ATP2B2: variants seen among roughly 807,000 people sequenced by gnomAD.
The protein encoded by ATP2B2 is ATPase plasma membrane Ca2+ transporting 2, also known as plasma membrane calcium-transporting ATPase 2.
ATP2B2 carries 15 observed loss-of-function variants against 120.0 expected under a neutral mutation model. That is an observed-to-expected ratio of 0.12 (90% confidence interval 0.08 to 0.19). The LOEUF is 0.19. Ranked by LOEUF, ATP2B2 falls within the 10% of genes least tolerant of loss-of-function variation. ATP2B2 has a pLI of 1.00. For missense variants in ATP2B2, 1,045 were observed against 1,719.8 expected, an observed-to-expected ratio of 0.61 and a Z score of 6.94; for synonymous variants, 694 against 700.3, an observed-to-expected ratio of 0.99 and a Z score of 0.14.
At chr3:10,399,542 T>C (rs906916175) in intron 5 of ATP2B2, among the ~76,000 whole-genome samples, 2 of 152,262 alleles carry the variant, frequency 1.3e-5, no homozygotes, top group African/African-American at 4.8e-5. Context: ...CTTATTACTT[T>C]ATTGGTTCTC....
At chr3:10,559,564 G>A (rs116087242) in intron 2 of ATP2B2, among the ~76,000 whole-genome samples, 38 of 152,236 alleles carry the variant, frequency 2.5e-4, no homozygotes, top group African/African-American at 8.9e-4. Context: ...AGACAGGGAA[G>A]TCTTTAGGCC....
At chr3:10,485,242 G>A (rs868423895) in intron 1 of ATP2B2, among the ~76,000 whole-genome samples, 3 of 152,240 alleles carry the variant, frequency 2.0e-5, no homozygotes, top group Non-Finnish European at 4.4e-5. Flanking sequence ...TCCTTCTGTG[G>A]TTTTCTCATT....
intron 2 of ATP2B2, among the ~76,000 whole-genome samples, chr3:10,589,187 C>T (rs2125574408): frequency 6.6e-6 from 1 of 152,230 alleles, no homozygotes; most frequent in South Asian, 2.1e-4. Context: ...TGAACTCCAG[C>T]CACTCCCATT....
At chr3:10,493,257 G>C (rs7647808) in intron 1 of ATP2B2, among the ~76,000 whole-genome samples, 1 of 152,118 alleles carries the variant, frequency 6.6e-6, no homozygotes, top group Non-Finnish European at 1.5e-5. Context: ...GTGAGGGGGT[G>C]GGGGAGCTCT....
chr3:10,527,067 C>T (rs113887740), intron 3 of ATP2B2, among the ~76,000 whole-genome samples: 1 of 152,286 alleles, frequency 6.6e-6, no homozygotes, highest in Non-Finnish European at 1.5e-5. Flanking sequence ...TTTGCAAACA[C>T]AGGATTCAAA....
At chr3:10,655,456 A>C (rs529092321) in intron 1 of ATP2B2, among the ~76,000 whole-genome samples, 1 of 99,062 alleles carries the variant, frequency 1.0e-5, no homozygotes, top group African/African-American at 9.0e-5. Flanking sequence ...TGGGTGCTTC[A>C]GAAGAACCTA....
intron 1 of ATP2B2, among the ~76,000 whole-genome samples, chr3:10,490,878 T>C (rs900132522): frequency 1.3e-5 from 2 of 152,226 alleles, no homozygotes; most frequent in Admixed American, 6.5e-5. Flanking sequence ...TCTGCTCCTG[T>C]TGATATTTAA....
Position 10,375,597 on chromosome 3 carries a change from T to G in ATP2B2, c.1249A>C (p.Thr417Pro). 1 of 1,613,702 alleles carries G rather than the reference T, an allele frequency of 6.2e-7. No individual in the cohort carries two copies. Among genetic ancestry groups the G allele is most frequent in the Non-Finnish European group, 8.5e-7 (1 of 1,180,020 alleles). Residue 417 changes from threonine (T) to proline (P), a missense_variant, in exon 11 of 23, where the codon ACT (threonine) becomes CCT (proline). Coordinates refer to ENST00000360273, the MANE Select transcript of ATP2B2 (RefSeq NM_001001331.4). The surrounding 1 kb of genome is among the most constrained non-coding windows in gnomAD (Gnocchi z 4.2). ...TTGTTGACCACGAAGGTGTCCACAG[T>G]GAAGTAGAGCACCAGGATGATCACC... The part of the protein sequence containing the change: ...ITVIILVLYF[T>P]VDTFVVNKKP...
At position 10,343,632 on chromosome 3, in the gene ATP2B2, C is replaced by T. The variant is rs1313758450; in HGVS notation, c.2704-667G>A. Among the ~76,000 whole-genome samples, 1 of 151,958 alleles carries T rather than the reference C, an allele frequency of 6.6e-6. No homozygotes were observed. Among genetic ancestry groups the T allele is most frequent in the African/African-American group, 2.4e-5 (1 of 41,334 alleles). ...GCTGAGAGGAGCTGGTTCTTCTGTCCCCATCCTTCCTCACACCCCCACGTA... is the reference window on the plus strand; with the variant it reads ...GCTGAGAGGAGCTGGTTCTTCTGTCTCCATCCTTCCTCACACCCCCACGTA... On this transcript the variant is annotated intron_variant, in intron 18 of 22. Transcript: ENST00000360273. This position sits in a 1 kb window ranked among gnomAD's most constrained non-coding sequence, Gnocchi z 4.2.
chr3:10,636,474 C>T (rs1016444167), intron 1 of ATP2B2, among the ~76,000 whole-genome samples: 4 of 152,174 alleles, frequency 2.6e-5, no homozygotes, highest in African/African-American at 9.7e-5. Flanking sequence ...AGGAATTGTT[C>T]TAACGATCAA....
At chr3:10,628,565 T>C (rs890655774) in intron 1 of ATP2B2, among the ~76,000 whole-genome samples, 3 of 152,230 alleles carry the variant, frequency 2.0e-5, no homozygotes, top group African/African-American at 7.2e-5. Context: ...TAGTAGGGCG[T>C]CCATGCAATA....
intron 1 of ATP2B2, among the ~76,000 whole-genome samples, chr3:10,666,406 C>A (rs1281304593): frequency 6.6e-6 from 1 of 152,168 alleles, no homozygotes; most frequent in East Asian, 1.9e-4. Context: ...CTCTCTACAA[C>A]ACTGTTTTCC....
chr3:10,492,155 G>A (rs1320464056), intron 1 of ATP2B2, among the ~76,000 whole-genome samples: 1 of 152,042 alleles, frequency 6.6e-6, no homozygotes, highest in Non-Finnish European at 1.5e-5. Context: ...GTTGCTGCCT[G>A]GTTTCTTTTC....
intron 2 of ATP2B2, among the ~76,000 whole-genome samples, chr3:10,411,909 T>C (rs543357662): frequency 6.6e-6 from 1 of 152,294 alleles, no homozygotes; most frequent in East Asian, 1.9e-4. Flanking sequence ...AGGGCCCACT[T>C]CCACCCACCA....
In ATP2B2 at chr3:10,327,363, T is replaced by G. The variant is rs1053585826; in HGVS notation, c.*1451A>C. On this transcript the variant is annotated 3_prime_UTR_variant, in exon 23 of 23. Transcript: ENST00000360273. ...AAGACAATTTGGTTTAAAATCACAC[T>G]GAGTACATCTCAATATACACATCAT... The G allele has an allele frequency of 6.5e-6, 1 of 152,794 alleles. No individual in the cohort carries two copies. Among genetic ancestry groups the G allele is most frequent in the African/African-American group, 2.4e-5 (1 of 41,462 alleles). The allele number at this position is 152,794 out of a possible 1,614,324, so 9.5% of individuals were successfully genotyped here.
At chr3:10,366,952 A>T (rs114026294) in intron 12 of ATP2B2, among the ~76,000 whole-genome samples, 1,781 of 152,356 alleles carry the variant, frequency 0.012, 31 homozygotes, top group African/African-American at 0.041. Flanking sequence ...AATGGAAAGA[A>T]AAAAGGCTCT....
At chr3:10,549,381 A>G (rs2067619059) in intron 2 of ATP2B2, among the ~76,000 whole-genome samples, 1 of 151,988 alleles carries the variant, frequency 6.6e-6, no homozygotes, top group African/African-American at 2.4e-5. Flanking sequence ...GGCAGGGAGC[A>G]CAGGGCAGGG....
At chr3:10,547,037 A>G (rs1011605310) in intron 2 of ATP2B2, among the ~76,000 whole-genome samples, 3 of 152,192 alleles carry the variant, frequency 2.0e-5, no homozygotes, top group African/African-American at 7.2e-5. Context: ...TGCAGAGACG[A>G]ACACTCCAGC....
At chr3:10,504,567 C>G (rs1219951917) in intron 1 of ATP2B2, among the ~76,000 whole-genome samples, 5 of 151,932 alleles carry the variant, frequency 3.3e-5, no homozygotes, top group Non-Finnish European at 7.4e-5. Flanking sequence ...AGAGCACCCC[C>G]CCAACCCCCA....
Sources: allele counts gnomAD v4.1 joint callset (sites outside exome capture counted in the v4.1 genomes callset), GRCh38; gene constraint gnomAD v4.1.1; non-coding constraint Gnocchi (gnomAD v3.1); transcripts MANE v1.5; gene names NCBI Gene and HGNC (gene_info 2026-07-23, HGNC 2026-07-21).